The following NIPA2 variants were observed in gnomAD, a reference collection of about 807,000 sequenced individuals.
NIPA2 encodes the protein NIPA magnesium transporter 2, also known as magnesium transporter NIPA2.
Under a neutral mutation model 29.7 loss-of-function variants are expected in NIPA2, and 11 were observed. The ratio of observed to expected loss-of-function variants is 0.37; its 90% CI spans 0.23 to 0.61. The LOEUF is 0.61. Among genes scored for constraint, NIPA2 ranks in the 20% least tolerant of loss-of-function variants. The probability of loss-of-function intolerance (pLI) is 0.66; values close to 1 mark genes in which losing one functional copy is unlikely to be tolerated. For synonymous variants in NIPA2, 183 were observed against 161.9 expected, an observed-to-expected ratio of 1.13 and a Z score of -0.99; for missense variants, 426 against 437.9, an observed-to-expected ratio of 0.97 and a Z score of 0.24.
At chr15:22,865,301 A>G (rs1213305899) in intron 7 of NIPA2, among the ~76,000 whole-genome samples, 1 of 149,404 alleles carries the variant, frequency 6.7e-6, no homozygotes, top group Non-Finnish European at 1.5e-5. Flanking sequence ...CCTGACTAAC[A>G]TGGTGAAACC....
intron 3 of NIPA2, among the ~76,000 whole-genome samples, chr15:22,845,478 A>T (rs1471060198): frequency 2.0e-5 from 3 of 152,222 alleles, no homozygotes; most frequent in Non-Finnish European, 2.9e-5. Context: ...ACCGTAAATG[A>T]GTGCCTTTTG....
chr15:22,845,500 C>T (rs894322323), intron 3 of NIPA2, among the ~76,000 whole-genome samples: 4 of 152,122 alleles, frequency 2.6e-5, no homozygotes, highest in Admixed American at 2.6e-4. Context: ...GGGGAAACCA[C>T]CACAGAAAAC....
intron 7 of NIPA2, among the ~76,000 whole-genome samples, chr15:22,861,165 A>G (rs2058595687): frequency 1.3e-5 from 2 of 152,152 alleles, no homozygotes; most frequent in Admixed American, 1.3e-4. Context: ...TTGTTTTTCC[A>G]GAAGTAATAA....
Position 22,866,813 on chromosome 15 carries a change from T to C in NIPA2, c.1049T>C (p.Val350Ala). 6.3e-7 allele frequency: 1 copy of C among 1,599,316 alleles called. No individual in the cohort carries two copies. The highest frequency in any genetic ancestry group is 8.5e-7 in the Non-Finnish European group (1 of 1,172,086). Residue 350 changes from valine to alanine, a missense_variant, in exon 8 of 8, where the codon GTC becomes GCC. Val to Ala is a moderately conservative substitution (Grantham distance 64). Around this residue, in one of 3 missense-constraint regions of NIPA2, gnomAD observed 357 missense variants for 339.8 expected, o/e 1.05. Transcript: ENST00000337451. ...CGIEQHTGENVSRRNGNLTAF is the reference protein window; with the variant it reads ...CGIEQHTGENASRRNGNLTAF Reference sequence around the variant, plus strand: ...ATCGAACAACACACTGGTGAAAATGTCTCCCGAAGAAATGGAAATCTGACA... The same window carrying C: ...ATCGAACAACACACTGGTGAAAATGCCTCCCGAAGAAATGGAAATCTGACA...
At chr15:22,860,915 A>C (rs1211908922) in intron 7 of NIPA2, 126 bp downstream of exon 7, 1 of 651,846 alleles carries the variant, frequency 1.5e-6, no homozygotes, top group African/African-American at 1.9e-5. Flanking sequence ...AATTGTCGTC[A>C]TGTTCCCTGC....
intron 5 of NIPA2, among the ~76,000 whole-genome samples, chr15:22,857,084 C>G (rs1278253854): frequency 6.6e-6 from 1 of 150,596 alleles, no homozygotes; most frequent in African/African-American, 2.5e-5. Flanking sequence ...TTCTTCATAA[C>G]ACTTTTAACC....
intron 7 of NIPA2, among the ~76,000 whole-genome samples, chr15:22,864,247 C>T (rs7172719): frequency 0.43 from 65,990 of 151,802 alleles, 16,407 homozygotes; most frequent in Non-Finnish European, 0.55. Flanking sequence ...GCTCCCCTCC[C>T]GGGTTCACGC....
Position 22,867,381 on chromosome 15 carries a change from C to A in NIPA2, c.*534C>A. 1 of 390,424 alleles carries A rather than the reference C, an allele frequency of 2.6e-6. No individual in the cohort carries two copies. The highest frequency in any genetic ancestry group is 4.5e-6 in the Non-Finnish European group (1 of 221,728). 24.2% of individuals were successfully genotyped at this position (390,424 alleles called of 1,614,324 possible). On this transcript the variant is annotated 3_prime_UTR_variant, in exon 8 of 8. Coordinates refer to ENST00000337451, the MANE Select transcript of NIPA2 (RefSeq NM_030922.7). ...AGTTACTGAATGAAGGAACCTCTTT[C>A]TTACAAAACAAAAAAAAGGGCAGAA...
At chr15:22,856,344 A>G (rs2058177639) in intron 5 of NIPA2, among the ~76,000 whole-genome samples, 1 of 152,136 alleles carries the variant, frequency 6.6e-6, no homozygotes, top group South Asian at 2.1e-4. Flanking sequence ...TAAAAAAAAT[A>G]GAAGATTGTG....
chr15:22,840,867 A>G (rs1448694477), intron 2 of NIPA2, among the ~76,000 whole-genome samples: 1 of 152,192 alleles, frequency 6.6e-6, no homozygotes, highest in African/African-American at 2.4e-5. Flanking sequence ...TTAATAGGTA[A>G]ATATGGTTTA....
At position 22,858,625 on chromosome 15, in the gene NIPA2, A is replaced by G. The variant is rs1326510354; in HGVS notation, c.282A>G (p.Leu94=). Residue 94 remains leucine, a synonymous_variant, in exon 6 of 8, where the codon CTA becomes CTG. Transcript: ENST00000337451. ...LVTPLGALSV[L]VSAILSSYFL... Reference sequence around the variant, plus strand: ...CTCCACTAGGAGCTCTCAGCGTGCTAGTAAGGTAAGGACACGTTTTTCATG... The same window carrying G: ...CTCCACTAGGAGCTCTCAGCGTGCTGGTAAGGTAAGGACACGTTTTTCATG... 1.9e-6 allele frequency: 3 copies of G among 1,590,240 alleles called. No individual in the cohort carries two copies. The highest frequency in any genetic ancestry group is 2.6e-6 in the Non-Finnish European group (3 of 1,165,146).
intron 4 of NIPA2, among the ~76,000 whole-genome samples, chr15:22,852,379 T>C (rs1252295716): frequency 1.3e-5 from 2 of 150,398 alleles, no homozygotes; most frequent in Non-Finnish European, 2.9e-5. Context: ...GGCAGCAGAA[T>C]CGCTTGAACC....
At chr15:22,865,152 A>T (rs890572838) in intron 7 of NIPA2, among the ~76,000 whole-genome samples, 2 of 148,830 alleles carry the variant, frequency 1.3e-5, no homozygotes, top group African/African-American at 2.5e-5. Context: ...GAGCCACCAC[A>T]CCTGGCTTCT....
Position 22,866,503 on chromosome 15 carries a change from A to G in NIPA2, c.739A>G (p.Ile247Val), listed in dbSNP as rs199984082. 14 of 1,613,836 alleles carry G rather than the reference A, an allele frequency of 8.7e-6. 1 individual carries two copies. The South Asian group carries it at 1.3e-4, about 15-fold the overall frequency. The change falls in exon 8 of 8, where the codon ATT becomes GTT. Residue 247 changes from isoleucine to valine, a missense_variant. Ile to Val is a conservative substitution (Grantham distance 29, BLOSUM62 3). Around this residue, in one of 3 missense-constraint regions of NIPA2, gnomAD observed 357 missense variants for 339.8 expected, o/e 1.05. Transcript: ENST00000337451. ...GGCCCTGGATATATTCAACACTTCC[A>G]TTGTGACTCCAATATATTATGTATT... Reference protein sequence around the residue: ...NRALDIFNTSIVTPIYYVFFT... With the variant: ...NRALDIFNTSVVTPIYYVFFT...
intron 3 of NIPA2, among the ~76,000 whole-genome samples, chr15:22,846,817 A>G (rs1898779067): frequency 1.6e-5 from 1 of 62,262 alleles, no homozygotes; most frequent in Non-Finnish European, 3.3e-5. Context: ...CCCTGTCTCC[A>G]AAATAATAAT....
chr15:22,867,080 G>A lies in NIPA2; in HGVS notation c.*233G>A. 1 of 500,696 alleles carries A rather than the reference G, an allele frequency of 2.0e-6. No homozygotes were observed. Among genetic ancestry groups the A allele is most frequent in the South Asian group, 3.9e-5 (1 of 25,812 alleles). 31.0% of individuals were successfully genotyped at this position (500,696 alleles called of 1,614,324 possible). ...CTATTAACATTTTATTGTTGTAGAA[G>A]TATTTTACATTTTCATCCCTTCTCC... On this transcript the variant is annotated 3_prime_UTR_variant, in exon 8 of 8. Transcript: ENST00000337451.
Position 22,867,023 on chromosome 15 carries a change from C to A in NIPA2, c.*176C>A. On this transcript the variant is annotated 3_prime_UTR_variant, in exon 8 of 8. Transcript: ENST00000337451. ...CTTGTATTTAAACAAACAATGGTAGCTCACTAAAATGACCTCAGCACATGA... is the reference window on the plus strand; with the variant it reads ...CTTGTATTTAAACAAACAATGGTAGATCACTAAAATGACCTCAGCACATGA... The A allele has an allele frequency of 1.7e-6, 1 of 604,950 alleles. No homozygotes were observed. The highest frequency in any genetic ancestry group is 4.4e-4 in the Middle Eastern group (1 of 2,270). The allele number at this position is 604,950 out of a possible 1,614,324, so 37.5% of individuals were successfully genotyped here. A position where few individuals can be genotyped will look rare whatever the true frequency, so the allele number is the denominator to read the frequency against.
chr15:22,860,721 T>A lies in NIPA2; in HGVS notation c.380T>A (p.Val127Asp), dbSNP rs760749744. 1 of 1,603,176 alleles carries A rather than the reference T, an allele frequency of 6.2e-7. No individual in the cohort carries two copies. The highest frequency in any genetic ancestry group is 8.5e-7 in the Non-Finnish European group (1 of 1,175,440). ...LLSILGSTVM[V>D]IHAPKEEEIE... ...AGTATTCTAGGATCTACAGTTATGG[T>A]CATTCATGCTCCAAAGGAAGAGGAG... The change falls in exon 7 of 8, where the codon GTC (valine) becomes GAC (aspartate). Residue 127 changes from valine (V) to aspartate (D), a missense_variant. Coordinates refer to ENST00000337451, the MANE Select transcript of NIPA2 (RefSeq NM_030922.7).
intron 3 of NIPA2, among the ~76,000 whole-genome samples, chr15:22,846,138 G>A (rs897336229): frequency 5.3e-5 from 8 of 152,124 alleles, no homozygotes; most frequent in South Asian, 2.1e-4. Context: ...AGGATAGAAC[G>A]GAGAACCAGG....
Sources: allele counts gnomAD v4.1 joint callset (sites outside exome capture counted in the v4.1 genomes callset), GRCh38; gene constraint gnomAD v4.1.1; regional missense constraint gnomAD v4.1.1; transcripts MANE v1.5; gene names NCBI Gene and HGNC (gene_info 2026-07-23, HGNC 2026-07-21).